Variants in ICOS observed in about 807,000 individuals in gnomAD.
ICOS encodes the protein inducible T cell costimulator, also known as inducible T-cell costimulator.
Under a neutral mutation model 24.6 loss-of-function variants are expected in ICOS, and 15 were observed. The ratio of observed to expected loss-of-function variants is 0.61; its 90% CI spans 0.41 to 0.94. The LOEUF (loss-of-function observed/expected upper bound fraction) is 0.94. Ranked by LOEUF, ICOS falls within the 40% of genes least tolerant of loss-of-function variation. The pLI is 0.00. For missense variants in ICOS, 200 were observed against 233.0 expected (o/e 0.86, Z 0.92); for synonymous variants, 89 against 77.5 (o/e 1.15, Z -0.78).
At chr2:203,950,122 G>A (rs1689943714) in intron 1 of ICOS, among the ~76,000 whole-genome samples, 1 of 152,174 alleles carries the variant, frequency 6.6e-6, no homozygotes, top group Non-Finnish European at 1.5e-5. Flanking sequence ...ACTGAATACC[G>A]GAGACTGGGT....
chr2:203,950,700 A>G (rs1332692350), intron 1 of ICOS, among the ~76,000 whole-genome samples: 2 of 152,220 alleles, frequency 1.3e-5, no homozygotes, highest in East Asian at 1.9e-4. Flanking sequence ...CAGCCTTCTG[A>G]TCACTACATT....
intron 1 of ICOS, among the ~76,000 whole-genome samples, chr2:203,951,493 G>A (rs1689971985): frequency 6.6e-6 from 1 of 152,142 alleles, no homozygotes; most frequent in African/African-American, 2.4e-5. Context: ...CCTTGCTAGT[G>A]GCAGAGCCAG....
chr2:203,947,305 AATT>A (rs546361002), intron 1 of ICOS, among the ~76,000 whole-genome samples: 122 of 151,984 alleles, frequency 8.0e-4, no homozygotes, highest in East Asian at 1.9e-3. Flanking sequence ...ATATTATAAA[AATT>A]ATTATTATTA....
chr2:203,942,822 AGT>A (rs1470228216), intron 1 of ICOS, among the ~76,000 whole-genome samples: 1 of 152,186 alleles, frequency 6.6e-6, no homozygotes, highest in African/African-American at 2.4e-5. Context: ...AGATTAAGTA[AGT>A]GTGTGTACCC....
At chr2:203,951,090 A>T (rs77234124) in intron 1 of ICOS, among the ~76,000 whole-genome samples, 348 of 152,188 alleles carry the variant, frequency 2.3e-3, no homozygotes, top group Non-Finnish European at 2.8e-3. Flanking sequence ...GTCCAATAGA[A>T]ATGACACTCT....
intron 3 of ICOS, 102 bp from the exon 4 acceptor site, chr2:203,957,697 G>A (rs1690101052): frequency 2.3e-6 from 2 of 860,236 alleles, no homozygotes; most frequent in Non-Finnish European, 4.0e-6. Flanking sequence ...ACATTATCAT[G>A]TTTTTGTCAC....
At chr2:203,950,978 T>TGG (rs1689961782) in intron 1 of ICOS, among the ~76,000 whole-genome samples, 1 of 151,936 alleles carries the variant, frequency 6.6e-6, no homozygotes, top group African/African-American at 2.4e-5. Context: ...CAGAATCGCT[T>TGG]GAACCTAGGA....
At chr2:203,952,586 A>G (rs1690004249) in intron 1 of ICOS, among the ~76,000 whole-genome samples, 1 of 151,936 alleles carries the variant, frequency 6.6e-6, no homozygotes, top group Admixed American at 6.6e-5. Context: ...GTTCTAACTA[A>G]TTTTTCCAAC....
Position 203,956,720 on chromosome 2 carries a change from A to T in ICOS, c.456A>T (p.Val152=). The T allele has an allele frequency of 1.2e-6, 2 of 1,613,542 alleles. No homozygotes were observed. The highest frequency in any genetic ancestry group is 1.7e-6 in the Non-Finnish European group (2 of 1,179,520). Residue 152 remains valine, a synonymous_variant, in exon 3 of 5, where the codon GTA becomes GTT. Coordinates refer to ENST00000316386, the MANE Select transcript of ICOS (RefSeq NM_012092.4). Reference sequence around the variant, plus strand: ...CCATAGGATGTGCAGCCTTTGTTGTAGTCTGCATTTTGGGATGCATACTTA... The same window carrying T: ...CCATAGGATGTGCAGCCTTTGTTGTTGTCTGCATTTTGGGATGCATACTTA... ...WLPIGCAAFV[V]VCILGCILIC... is the part of the protein sequence containing the mutation.
chr2:203,955,726 A>C lies in ICOS; in HGVS notation c.149A>C (p.Gln50Pro). 1.2e-6 allele frequency: 2 copies of C among 1,613,764 alleles called. No individual in the cohort carries two copies. The highest frequency in any genetic ancestry group is 1.7e-6 in the Non-Finnish European group (2 of 1,179,746). The change falls in exon 2 of 5, where the codon CAA becomes CCA. Residue 50 changes from glutamine (Q) to proline (P), a missense_variant. Gln to Pro is a moderately conservative substitution (Grantham distance 76, BLOSUM62 -1). Coordinates refer to ENST00000316386, the MANE Select transcript of ICOS (RefSeq NM_012092.4). Reference sequence around the variant, plus strand: ...TGCAAATATCCTGACATTGTCCAGCAATTTAAAATGCAGTTGCTGAAAGGG... The same window carrying C: ...TGCAAATATCCTGACATTGTCCAGCCATTTAAAATGCAGTTGCTGAAAGGG... ...ILCKYPDIVQ[Q>P]FKMQLLKGGQ...
chr2:203,958,866 G>A (rs184094976), intron 4 of ICOS, among the ~76,000 whole-genome samples: 200 of 152,214 alleles, frequency 1.3e-3, no homozygotes, highest in Non-Finnish European at 2.4e-3. Context: ...TGCTTAATGT[G>A]TTCTGGCTGT....
At chr2:203,957,356 A>G (rs895354580) in intron 3 of ICOS, among the ~76,000 whole-genome samples, 1 of 152,202 alleles carries the variant, frequency 6.6e-6, no homozygotes, top group Non-Finnish European at 1.5e-5. Context: ...GACAACAACA[A>G]AAATCTCCCT....
At chr2:203,955,561 T>A in intron 1 of ICOS, 75 bp from the exon 2 acceptor site, 1 of 1,284,186 alleles carries the variant, frequency 7.8e-7, no homozygotes. Context: ...ATAAATTGCT[T>A]TTATGTTAAA....
At position 203,956,845 on chromosome 2, in the gene ICOS, C is replaced by T. The variant is rs1690086260; in HGVS notation, c.501+80C>T. The T allele has an allele frequency of 3.2e-6, 3 of 952,264 alleles. No individual in the cohort carries two copies. In the Admixed American group the frequency reaches 5.5e-5, roughly 18 times the overall value. 59.0% of individuals were successfully genotyped at this position (952,264 alleles called of 1,614,324 possible). On this transcript the variant is annotated intron_variant, in intron 3 of 4. Coordinates refer to ENST00000316386, the MANE Select transcript of ICOS (RefSeq NM_012092.4). The stretch of plus-strand genomic sequence containing the variant: ...ATTTCCTCATCAAAAGTACACATGG[C>T]TCTTGTCAGAGTAATTTGACCAACA...
intron 3 of ICOS, among the ~76,000 whole-genome samples, 194 bp downstream of exon 3, chr2:203,956,959 C>G (rs946705850): frequency 6.6e-6 from 1 of 152,050 alleles, no homozygotes; most frequent in Non-Finnish European, 1.5e-5. Context: ...ATAGCCCACA[C>G]ATTCCAAAGA....
intron 1 of ICOS, among the ~76,000 whole-genome samples, chr2:203,939,795 C>T (rs1036598159): frequency 1.3e-5 from 2 of 152,148 alleles, no homozygotes; most frequent in African/African-American, 4.8e-5. Context: ...AGCCTCTCCA[C>T]GACTGAGTAA....
chr2:203,959,346 T>C (rs1690130005), intron 4 of ICOS, among the ~76,000 whole-genome samples: 1 of 152,166 alleles, frequency 6.6e-6, no homozygotes, highest in African/African-American at 2.4e-5. Flanking sequence ...TTCAAAGTGA[T>C]GAGTTTAGAT....
At chr2:203,951,953 GATA>G (rs1243763223) in intron 1 of ICOS, among the ~76,000 whole-genome samples, 1 of 152,002 alleles carries the variant, frequency 6.6e-6, no homozygotes, top group African/African-American at 2.4e-5. Context: ...TTTGCCTCTG[GATA>G]ATATTGTTCC....
intron 1 of ICOS, among the ~76,000 whole-genome samples, chr2:203,948,060 C>T (rs117050967): frequency 3.9e-5 from 6 of 152,232 alleles, no homozygotes; most frequent in East Asian, 3.9e-4. Flanking sequence ...CAAAGTTGTC[C>T]TGCCCTCCAC....
Sources: gnomAD v4.1 joint callset for allele counts (sites outside exome capture counted in the v4.1 genomes callset) on GRCh38, gnomAD v4.1.1 for gene constraint, MANE v1.5 for transcripts, NCBI Gene and HGNC (gene_info 2026-07-23, HGNC 2026-07-21) for gene names.